Variants in PIK3CD observed in about 807,000 individuals in gnomAD.
PIK3CD encodes the protein phosphatidylinositol-4,5-bisphosphate 3-kinase catalytic subunit delta.
Under a neutral mutation model 122.9 loss-of-function variants are expected in PIK3CD, and 20 were observed. That is an observed-to-expected ratio of 0.16 (90% CI 0.11 to 0.24). PIK3CD has a LOEUF of 0.24. PIK3CD is among the 10% of genes least tolerant of loss of function. The probability of loss-of-function intolerance (pLI) is 1.00; values close to 1 mark genes in which losing one functional copy is unlikely to be tolerated. For missense variants in PIK3CD, 787 were observed against 1,406.3 expected (o/e 0.56, Z 7.04); for synonymous variants, 596 against 593.4 (o/e 1.00, Z -0.06).
chr1:9,726,594 T>C (rs1649668421), intron 23 of PIK3CD, among the ~76,000 whole-genome samples: 1 of 152,130 alleles, frequency 6.6e-6, no homozygotes, highest in South Asian at 2.1e-4. Context: ...GCGGTGAGGC[T>C]GCTGGGGCCA....
chr1:9,661,584 G>T (rs1645009652), intron 1 of PIK3CD, among the ~76,000 whole-genome samples: 1 of 152,084 alleles, frequency 6.6e-6, no homozygotes, highest in African/African-American at 2.4e-5. Flanking sequence ...GTAGAGGCCG[G>T]GTGTGGTGGC....
intron 2 of PIK3CD, among the ~76,000 whole-genome samples, chr1:9,706,577 TTC>T (rs938206136): frequency 3.3e-5 from 5 of 152,286 alleles, no homozygotes; most frequent in African/African-American, 1.2e-4. Flanking sequence ...GATCAAGTAT[TTC>T]TGATGATAAT....
chr1:9,648,381 C>T (rs1009042614), upstream of PIK3CD, among the ~76,000 whole-genome samples: 1 of 152,162 alleles, frequency 6.6e-6, no homozygotes, highest in African/African-American at 2.4e-5. Context: ...ATGAAGAATT[C>T]CTTTGGAAGA....
chr1:9,671,981 A>C (rs1488332860), intron 1 of PIK3CD, among the ~76,000 whole-genome samples: 2 of 152,150 alleles, frequency 1.3e-5, no homozygotes, highest in Non-Finnish European at 2.9e-5. Context: ...TGAGGCTCAC[A>C]AGGCAGCACC....
At chr1:9,640,499 G>GA in the PIK3CD span, among the ~76,000 whole-genome samples, 64,403 of 151,546 alleles carry the variant, frequency 0.42, 18,974 homozygotes, top group African/African-American at 0.8. Flanking sequence ...AGAATCGCTT[G>GA]ACCAGGGAGG....
intron 2 of PIK3CD, among the ~76,000 whole-genome samples, chr1:9,709,174 C>A (rs1456425092): frequency 6.6e-6 from 1 of 151,976 alleles, no homozygotes; most frequent in Non-Finnish European, 1.5e-5. Flanking sequence ...GGATTACAGG[C>A]ATGTGCCACC....
chr1:9,642,759 G>A, the PIK3CD span, among the ~76,000 whole-genome samples: 1 of 149,350 alleles, frequency 6.7e-6, no homozygotes, highest in African/African-American at 2.5e-5. Context: ...TGGTTCTCCA[G>A]CACACTAGCG....
chr1:9,699,016 C>G (rs1437870128), intron 2 of PIK3CD, among the ~76,000 whole-genome samples: 1 of 151,912 alleles, frequency 6.6e-6, no homozygotes, highest in Non-Finnish European at 1.5e-5. Context: ...AGGGAGGTCC[C>G]GCCCCCTACA....
At position 9,724,781 on chromosome 1, in the gene PIK3CD, C is replaced by G; in HGVS notation, c.2865-23C>G. On this transcript the variant is annotated intron_variant, in intron 22 of 23. Transcript: ENST00000377346. This position sits in a 1 kb window ranked among gnomAD's most constrained non-coding sequence, Gnocchi z 7.3. Reference sequence around the variant, plus strand: ...GTGGCTGGGAGTTCCCAGAGCCTCACTTCCTCTGTCCCCTACCTGCAGGTT... The same window carrying G: ...GTGGCTGGGAGTTCCCAGAGCCTCAGTTCCTCTGTCCCCTACCTGCAGGTT... 1 of 1,612,044 alleles carries G rather than the reference C, an allele frequency of 6.2e-7. No homozygotes were observed. Among genetic ancestry groups the G allele is most frequent in the African/African-American group, 1.3e-5 (1 of 75,002 alleles).
At position 9,724,054 on chromosome 1, in the gene PIK3CD, C is replaced by T. The variant is rs1649108661; in HGVS notation, c.2680C>T (p.Arg894Trp). ...CACATATGTGCTGGGCATTGGCGAT[C>T]GGCACAGCGACAACATCATGATCCG... ...VATYVLGIGD[R>W]HSDNIMIRES... Residue 894 changes from arginine (R) to tryptophan (W), a missense_variant, in exon 21 of 24, where the codon CGG becomes TGG. Arg to Trp is a moderately radical substitution (Grantham distance 101). This residue lies in a region of PIK3CD where 17 missense variants were observed against 97.0 expected (regional missense o/e 0.18). Coordinates refer to ENST00000377346, the MANE Select transcript of PIK3CD (RefSeq NM_005026.5). The surrounding 1 kb of genome is among the most constrained non-coding windows in gnomAD (Gnocchi z 7.3). 6.2e-7 allele frequency: 1 copy of T among 1,614,172 alleles called. No homozygotes were observed. The highest frequency in any genetic ancestry group is 8.5e-7 in the Non-Finnish European group (1 of 1,180,022).
At chr1:9,694,823 A>G (rs12023131) in intron 2 of PIK3CD, among the ~76,000 whole-genome samples, 19,278 of 151,886 alleles carry the variant, frequency 0.13, 1,322 homozygotes, top group South Asian at 0.2. Flanking sequence ...CAAGCCAGGT[A>G]TTGTGGCACA....
At chr1:9,711,236 G>A (rs1391742231) in intron 3 of PIK3CD, among the ~76,000 whole-genome samples, 2 of 152,000 alleles carry the variant, frequency 1.3e-5, no homozygotes, top group Non-Finnish European at 2.9e-5. Context: ...TGGGACTATA[G>A]GCGTGCACCA....
In PIK3CD at chr1:9,721,878, G is replaced by GGGGGGCGGGAA; in HGVS notation, c.2055+27_2055+28insAAGGGGGCGGG. On this transcript the variant is annotated intron_variant, in intron 16 of 23. Transcript: ENST00000377346. ...TGAAGCAGGTGAGGCCCAAGGCCCT[G>GGGGGGCGGGAA]GGGGGCGGGCAGGGGGCGGCCCTGA... is the stretch of plus-strand genomic sequence containing the variant. 6.2e-7 allele frequency: 1 copy of GGGGGGCGGGAA among 1,612,340 alleles called. No homozygotes were observed. The highest frequency in any genetic ancestry group is 2.2e-5 in the East Asian group (1 of 44,880).
Position 9,715,935 on chromosome 1 carries a change from C to A in PIK3CD, c.457C>A (p.Arg153Ser), listed in dbSNP as rs779489980. The part of the protein sequence containing the change: ...MCQFCEEAAA[R>S]RQQLGWEAWL... ...CCAATTCTGCGAGGAGGCGGCCGCC[C>A]GCCGGCAGCAGCTGGGCTGGGAGGC... The change falls in exon 5 of 24, where the codon CGC becomes AGC. Residue 153 changes from arginine (R) to serine (S), a missense_variant. By Grantham distance (110) the Arg-to-Ser change is moderately radical. Coordinates refer to ENST00000377346, the MANE Select transcript of PIK3CD (RefSeq NM_005026.5). The surrounding 1 kb of genome is among the most constrained non-coding windows in gnomAD (Gnocchi z 4.1). 2 of 1,612,422 alleles carry A rather than the reference C, an allele frequency of 1.2e-6. No individual in the cohort carries two copies. The highest frequency in any genetic ancestry group is 1.3e-5 in the African/African-American group (1 of 75,078).
At chr1:9,663,734 TC>T (rs1209147085) in intron 1 of PIK3CD, among the ~76,000 whole-genome samples, 2 of 33,108 alleles carry the variant, frequency 6.0e-5, no homozygotes, top group East Asian at 1.1e-3. Flanking sequence ...CCCTCCCCCC[TC>T]CCCCCATCCC....
chr1:9,654,482 G>C (rs200326868), intron 1 of PIK3CD: 1 of 1,125,302 alleles, frequency 8.9e-7, no homozygotes. Context: ...CAATGGTTGT[G>C]CGAAAGCCAG....
chr1:9,726,203 ACT>A lies in PIK3CD; in HGVS notation c.2998-703_2998-702del, dbSNP rs200367855. ...ACTCCAGCTCGGGTGACAGAGCAAG[ACT>A]CTGTCTCAAAAAGAAAAAATTGGCC... On this transcript the variant is annotated intron_variant, in intron 23 of 23. Coordinates refer to ENST00000377346, the MANE Select transcript of PIK3CD (RefSeq NM_005026.5). 7.4e-3 allele frequency among the ~76,000 whole-genome samples: 1,123 copies of A among 151,208 alleles called. 6 individuals are homozygous for A. Among genetic ancestry groups the A allele is most frequent in the African/African-American group, 0.025 (1,038 of 41,200 alleles).
chr1:9,644,273 G>C, the PIK3CD span, among the ~76,000 whole-genome samples: 295 of 152,210 alleles, frequency 1.9e-3, 2 homozygotes, highest in Admixed American at 6.7e-3. Flanking sequence ...CAGCACTTTG[G>C]GGGGCTTGAG....
At chr1:9,658,385 C>CAAAA (rs58808659) in intron 1 of PIK3CD, among the ~76,000 whole-genome samples, 5 of 81,598 alleles carry the variant, frequency 6.1e-5, no homozygotes, top group East Asian at 3.0e-4. Flanking sequence ...GACCCTGTCT[C>CAAAA]AAAAAAAAAA....
Sources: allele counts gnomAD v4.1 joint callset (sites outside exome capture counted in the v4.1 genomes callset), GRCh38; gene constraint gnomAD v4.1.1; regional missense constraint gnomAD v4.1.1; non-coding constraint Gnocchi (gnomAD v3.1); transcripts MANE v1.5; gene names NCBI Gene and HGNC (gene_info 2026-07-23, HGNC 2026-07-21).